Variants in NCOR2 observed in about 807,000 individuals in gnomAD.
NCOR2 encodes the protein nuclear receptor corepressor 2.
Under a neutral mutation model 262.9 loss-of-function variants are expected in NCOR2, and 81 were observed. The ratio of observed to expected loss-of-function variants is 0.31; its 90% CI spans 0.26 to 0.37. The LOEUF (loss-of-function observed/expected upper bound fraction) is 0.37. NCOR2 is among the 10% of genes least tolerant of loss of function. The pLI is 1.00. For missense variants in NCOR2, 3,385 were observed against 3,621.4 expected, an observed-to-expected ratio of 0.93 and a Z score of 1.68; for synonymous variants, 1,659 against 1,559.3, an observed-to-expected ratio of 1.06 and a Z score of -1.51.
chr12:124,383,374 C>T (rs139428540), intron 17 of NCOR2: 8 of 254,660 alleles, frequency 3.1e-5, no homozygotes, highest in Admixed American at 2.6e-4. Flanking sequence ...GTTCAAGAGG[C>T]GCCCTCGTCA....
upstream of NCOR2, among the ~76,000 whole-genome samples, chr12:124,539,915 C>T (rs932824999): frequency 3.3e-5 from 5 of 152,268 alleles, no homozygotes; most frequent in Admixed American, 2.6e-4. The surrounding 1 kb of genome is among the most constrained non-coding windows in gnomAD (Gnocchi z 5.1). Flanking sequence ...GGGAAGCCAC[C>T]ACCCACAGCC....
At chr12:124,355,521 G>C (rs370396690) in exon 24 of NCOR2, 5 of 1,603,650 alleles carry the variant, frequency 3.1e-6, no homozygotes, top group Non-Finnish European at 4.3e-6. Flanking sequence ...GTGGGTGGGC[G>C]CGGCAGGACG....
At chr12:124,533,296 G>A (rs376640572) in intron 1 of NCOR2, among the ~76,000 whole-genome samples, 7 of 151,976 alleles carry the variant, frequency 4.6e-5, no homozygotes, top group South Asian at 2.1e-4. Flanking sequence ...CGCGCAACCC[G>A]GGAGGCCCAT....
chr12:124,346,810 C>T (rs754056416), exon 31 of NCOR2: 1 of 1,577,574 alleles, frequency 6.3e-7, no homozygotes, highest in Non-Finnish European at 8.6e-7. Flanking sequence ...CCTCCCGACG[C>T]AGGTAGTCCT....
At chr12:124,544,178 C>T (rs2051469704) in intron 1 of NCOR2, among the ~76,000 whole-genome samples, 1 of 152,220 alleles carries the variant, frequency 6.6e-6, no homozygotes, top group East Asian at 1.9e-4. Flanking sequence ...CGGGAAACCT[C>T]TCTATGCCCC....
rs2038788664 is a variant in NCOR2, at chr12:124,363,600, C to T, written c.2928+79G>A. ...CTAGGCTGCAGGTGCATGCTCCCGC[C>T]CGTGGGATTCTCTGTCTCAATGAAT... On this transcript the variant is annotated intron_variant, in intron 21 of 46. Transcript: ENST00000405201. The T allele has an allele frequency of 2.4e-6, 3 of 1,251,108 alleles. No homozygotes were observed. In the African/African-American group the frequency reaches 4.6e-5, roughly 19 times the overall value. The allele number at this position is 1,251,108 out of a possible 1,614,324, so 77.5% of individuals were successfully genotyped here.
chr12:124,422,670 C>A, intron 11 of NCOR2, 115 bp from the exon 14 acceptor site: 1 of 1,280,528 alleles, frequency 7.8e-7, no homozygotes, highest in Non-Finnish European at 1.1e-6. Context: ...CGGGCACCGC[C>A]CCACTTGGAG....
At chr12:124,358,716 T>G (rs1344409043) in intron 22 of NCOR2, among the ~76,000 whole-genome samples, 12 of 152,248 alleles carry the variant, frequency 7.9e-5, no homozygotes, top group Non-Finnish European at 1.8e-4. Context: ...GCAGCGGTTG[T>G]GCGCTGGCTG....
intron 29 of NCOR2, 72 bp from the exon 32 acceptor site, chr12:124,347,983 G>A: frequency 9.3e-6 from 14 of 1,500,200 alleles, no homozygotes; most frequent in Non-Finnish European, 9.1e-7. Context: ...AGGGGTCAGT[G>A]TTTACAGCCG....
chr12:124,463,518 G>C (rs1336720890), intron 5 of NCOR2, among the ~76,000 whole-genome samples: 3 of 152,236 alleles, frequency 2.0e-5, no homozygotes, highest in African/African-American at 7.2e-5. Context: ...GGCGGGAAAA[G>C]CCTCGCTCAG....
At chr12:124,565,979 T>G (rs2052224786) in intron 1 of NCOR2, among the ~76,000 whole-genome samples, 1 of 152,194 alleles carries the variant, frequency 6.6e-6, no homozygotes, top group East Asian at 1.9e-4. Flanking sequence ...CGGCGCAGTC[T>G]GGCCCGGAGA....
intron 20 of NCOR2, among the ~76,000 whole-genome samples, chr12:124,368,044 C>T (rs2039180718): frequency 6.6e-6 from 1 of 152,230 alleles, no homozygotes; most frequent in Non-Finnish European, 1.5e-5. Flanking sequence ...GGAGGGGCCC[C>T]ACCCTGCCTA....
At chr12:124,553,461 C>T (rs1039965391) in intron 1 of NCOR2, among the ~76,000 whole-genome samples, 3 of 152,222 alleles carry the variant, frequency 2.0e-5, no homozygotes, top group African/African-American at 7.2e-5. Flanking sequence ...AGGCCCCACC[C>T]CACAGATTCT....
At chr12:124,475,126 G>A (rs1183247956) in intron 3 of NCOR2, among the ~76,000 whole-genome samples, 1 of 152,148 alleles carries the variant, frequency 6.6e-6, no homozygotes, top group Non-Finnish European at 1.5e-5. Flanking sequence ...GTTACCATGT[G>A]AGATGTGGGG....
intron 1 of NCOR2, among the ~76,000 whole-genome samples, chr12:124,546,220 C>T (rs1304463288): frequency 1.3e-5 from 2 of 152,232 alleles, no homozygotes; most frequent in Non-Finnish European, 1.5e-5. Context: ...ACTCAGCTCA[C>T]AGGGCTGACT....
chr12:124,513,385 A>G (rs569798346), intron 1 of NCOR2: 1 of 152,324 alleles, frequency 6.6e-6, no homozygotes, highest in Admixed American at 6.5e-5. Context: ...TCTGGGCTAA[A>G]TGAGGCGCAC....
intron 10 of NCOR2, 43 bp from the exon 13 acceptor site, chr12:124,426,843 G>A (rs774434200): frequency 1.3e-5 from 20 of 1,516,562 alleles, no homozygotes; most frequent in Non-Finnish European, 1.6e-5. Flanking sequence ...CAGGGACGAG[G>A]TGCTCCGGCC....
intron 1 of NCOR2, among the ~76,000 whole-genome samples, chr12:124,557,581 C>T (rs918569679): frequency 6.6e-6 from 1 of 152,198 alleles, no homozygotes; most frequent in Admixed American, 6.5e-5. Context: ...CAAATAAGGT[C>T]ACAGCCTGAG....
chr12:124,455,280 A>G (rs1167858699), intron 6 of NCOR2, among the ~76,000 whole-genome samples: 2 of 152,244 alleles, frequency 1.3e-5, no homozygotes, highest in Non-Finnish European at 2.9e-5. Context: ...AAAACAAGCA[A>G]GCAGCAGCTG....
Sources: gnomAD v4.1 joint callset for allele counts (sites outside exome capture counted in the v4.1 genomes callset) on GRCh38, gnomAD v4.1.1 for gene constraint, Gnocchi (gnomAD v3.1) non-coding constraint, MANE v1.5 for transcripts, NCBI Gene and HGNC (gene_info 2026-07-23, HGNC 2026-07-21) for gene names.